The following DOCK4 variants were observed in gnomAD, a reference collection of about 807,000 sequenced individuals.
DOCK4 encodes the protein dedicator of cytokinesis 4.
Under a neutral mutation model 268.1 loss-of-function variants are expected in DOCK4, and 97 were observed. The ratio of observed to expected loss-of-function variants is 0.36; its 90% CI spans 0.31 to 0.43. The LOEUF (loss-of-function observed/expected upper bound fraction) is 0.43, where lower values mean the gene tolerates loss of function less well. DOCK4 is among the 20% of genes least tolerant of loss of function. The pLI is 1.00. For missense variants in DOCK4, 2,145 were observed against 2,455.7 expected (o/e 0.87, Z 2.67); for synonymous variants, 954 against 887.2 (o/e 1.08, Z -1.34).
chr7:111,831,425 T>A (rs1271132013), intron 26 of DOCK4, among the ~76,000 whole-genome samples: 2 of 152,162 alleles, frequency 1.3e-5, no homozygotes, highest in Non-Finnish European at 2.9e-5. Context: ...CTAAAATCTT[T>A]TACAGGGTTC....
intron 1 of DOCK4, among the ~76,000 whole-genome samples, chr7:112,161,317 C>T (rs114644699): frequency 0.018 from 2,705 of 152,200 alleles, 39 homozygotes; most frequent in Middle Eastern, 0.054. Flanking sequence ...GCAAAATCCA[C>T]GTAAGAAAAT....
At chr7:111,739,932 A>G (rs1369887813) in intron 47 of DOCK4, 1 of 312,784 alleles carries the variant, frequency 3.2e-6, no homozygotes, top group African/African-American at 2.2e-5. Flanking sequence ...CTGAACTATC[A>G]TAAATGCCAT....
intron 6 of DOCK4, 93 bp from the exon 7 acceptor site, chr7:111,984,483 G>A: frequency 9.8e-7 from 1 of 1,022,650 alleles, no homozygotes; most frequent in Non-Finnish European, 1.5e-6. Context: ...TTGGAAATTA[G>A]GTATATCACC....
chr7:112,169,322 A>C (rs550220417), intron 1 of DOCK4, among the ~76,000 whole-genome samples: 1 of 152,296 alleles, frequency 6.6e-6, no homozygotes, highest in South Asian at 2.1e-4. Context: ...CCTTTACAGC[A>C]GTACAAGAAT....
At chr7:112,159,595 G>A (rs561094078) in intron 1 of DOCK4, among the ~76,000 whole-genome samples, 3 of 152,062 alleles carry the variant, frequency 2.0e-5, no homozygotes, top group Admixed American at 6.6e-5. Context: ...TTGTCTCCCT[G>A]ACAAGGATGT....
At chr7:111,865,504 A>G (rs1169632017) in intron 22 of DOCK4, among the ~76,000 whole-genome samples, 2 of 152,240 alleles carry the variant, frequency 1.3e-5, no homozygotes, top group Non-Finnish European at 2.9e-5. Context: ...CTAATAGTAA[A>G]GCTTGGACAA....
At chr7:112,186,012 C>T (rs1322851980) in intron 1 of DOCK4, among the ~76,000 whole-genome samples, 1 of 152,234 alleles carries the variant, frequency 6.6e-6, no homozygotes, top group Non-Finnish European at 1.5e-5. Context: ...GTCTCAGACA[C>T]TACCTTCTGA....
chr7:112,177,180 C>A (rs1397482174), intron 1 of DOCK4, among the ~76,000 whole-genome samples: 1 of 152,174 alleles, frequency 6.6e-6, no homozygotes, highest in African/African-American at 2.4e-5. Context: ...GCAGCCTAGG[C>A]TGAGGTATTT....
chr7:112,115,980 A>C (rs1812122352), intron 1 of DOCK4, among the ~76,000 whole-genome samples: 1 of 152,110 alleles, frequency 6.6e-6, no homozygotes, highest in South Asian at 2.1e-4. Context: ...TGCTCGGCCT[A>C]TTTTTTAATT....
At chr7:112,158,687 A>T (rs976573042) in intron 1 of DOCK4, among the ~76,000 whole-genome samples, 4 of 152,220 alleles carry the variant, frequency 2.6e-5, no homozygotes, top group Admixed American at 1.3e-4. Flanking sequence ...CAAAGAAACT[A>T]TCACTTTTAA....
intron 8 of DOCK4, chr7:111,953,870 A>G (rs1796249575): frequency 6.6e-6 from 1 of 152,226 alleles, no homozygotes; most frequent in Non-Finnish European, 1.5e-5. Flanking sequence ...AACACTCTTT[A>G]TCAACTAGCC....
intron 4 of DOCK4, among the ~76,000 whole-genome samples, chr7:111,998,093 T>C (rs1159205457): frequency 6.6e-6 from 1 of 152,162 alleles, no homozygotes; most frequent in Non-Finnish European, 1.5e-5. Flanking sequence ...ACCTAGGAAA[T>C]TCCTGGGGTT....
chr7:112,032,962 T>C (rs1174740818), intron 1 of DOCK4, among the ~76,000 whole-genome samples: 1 of 152,210 alleles, frequency 6.6e-6, no homozygotes, highest in African/African-American at 2.4e-5. Flanking sequence ...CTAATTAATT[T>C]AGCTAACAAA....
chr7:112,025,213 T>A (rs73717938), intron 1 of DOCK4, among the ~76,000 whole-genome samples: 32 of 95,328 alleles, frequency 3.4e-4, no homozygotes, highest in East Asian at 1.8e-3. Flanking sequence ...CAGTGATGAA[T>A]AATAATAATA....
intron 16 of DOCK4, among the ~76,000 whole-genome samples, chr7:111,884,909 G>C (rs1433616008): frequency 6.6e-6 from 1 of 152,198 alleles, no homozygotes; most frequent in Non-Finnish European, 1.5e-5. Context: ...CTGTTGCCTA[G>C]AGTTTAAGCC....
intron 1 of DOCK4, among the ~76,000 whole-genome samples, chr7:112,177,127 T>C (rs1444932209): frequency 1.3e-5 from 2 of 152,198 alleles, no homozygotes; most frequent in African/African-American, 4.8e-5. Flanking sequence ...TAGAAATCTA[T>C]ATGATCCTCG....
chr7:111,905,746 G>A (rs1192914122), intron 13 of DOCK4, among the ~76,000 whole-genome samples: 1 of 151,028 alleles, frequency 6.6e-6, no homozygotes, highest in Non-Finnish European at 1.5e-5. Context: ...ACACAAGCTG[G>A]ATATTTGTTA....
chr7:111,960,674 A>G (rs1213186247), intron 8 of DOCK4, among the ~76,000 whole-genome samples: 4 of 151,766 alleles, frequency 2.6e-5, no homozygotes, highest in Non-Finnish European at 4.4e-5. Flanking sequence ...GAAATTTTGT[A>G]TCCTTCTTTT....
rs1350095986 is a variant in DOCK4, at chr7:112,162,491, GTGTC to G, written c.37+43607_37+43610del. Reference sequence around the variant, plus strand: ...GTGTATAGATGTTGGGAGGAAGAGAGTGTCTGTCTGTCTCTTTCTTTCTCTCTCT... The same window carrying G: ...GTGTATAGATGTTGGGAGGAAGAGAGTGTCTGTCTCTTTCTTTCTCTCTCT... On this transcript the variant is annotated intron_variant, in intron 1 of 52. Coordinates refer to ENST00000428084, the MANE Select transcript of DOCK4 (RefSeq NM_001363540.2). Among the ~76,000 whole-genome samples the G allele has an allele frequency of 4.2e-5, 6 of 143,008 alleles. No homozygotes were observed. In the South Asian group the frequency reaches 6.5e-4, roughly 15 times the overall value. 93.8% of individuals were successfully genotyped at this position (143,008 alleles called of 152,430 possible).
Sources: gnomAD v4.1 joint callset for allele counts (sites outside exome capture counted in the v4.1 genomes callset) on GRCh38, gnomAD v4.1.1 for gene constraint, MANE v1.5 for transcripts, NCBI Gene and HGNC (gene_info 2026-07-23, HGNC 2026-07-21) for gene names.